BAIAP2: variants seen among roughly 807,000 people sequenced by gnomAD.
The protein encoded by BAIAP2 is BAR/IMD domain containing adaptor protein 2.
Under a neutral mutation model 63.0 loss-of-function variants are expected in BAIAP2, and 18 were observed. That is an observed-to-expected ratio of 0.29 (90% CI 0.20 to 0.42). The LOEUF (loss-of-function observed/expected upper bound fraction) is 0.42. Ranked by LOEUF, BAIAP2 falls within the 10% of genes least tolerant of loss-of-function variation. BAIAP2 has a pLI of 1.00. For missense variants in BAIAP2, 610 were observed against 734.3 expected, an observed-to-expected ratio of 0.83 and a Z score of 1.96; for synonymous variants, 386 against 307.6, an observed-to-expected ratio of 1.25 and a Z score of -2.67.
chr17:81,106,190 A>G (rs1226098109), intron 11 of BAIAP2, 44 bp downstream of exon 11: 48 of 1,541,098 alleles, frequency 3.1e-5, no homozygotes, highest in Non-Finnish European at 4.0e-5. Flanking sequence ...CCAGCTCGGG[A>G]GAGGGGCTGT....
rs994276836 is a variant in BAIAP2 at position 81,067,166 on chromosome 17, C to G, written c.217+9199C>G. On this transcript the variant is annotated intron_variant, in intron 3 of 13. Transcript: ENST00000428708. ...GCTCCGACCTGCCTGTACCTCCCTT[C>G]CCCCCCACACTATTCCTCCCTCCCT... 7.0e-4 allele frequency among the ~76,000 whole-genome samples: 107 copies of G among 152,132 alleles called. 1 individual carries two copies. The highest frequency in any genetic ancestry group is 2.5e-3 in the African/African-American group (102 of 41,426).
chr17:81,042,404 C>T (rs1473439671), intron 1 of BAIAP2, among the ~76,000 whole-genome samples: 3 of 152,180 alleles, frequency 2.0e-5, no homozygotes, highest in South Asian at 2.1e-4. Flanking sequence ...AGTCCTCCCA[C>T]CTTGGCCTCC....
intron 3 of BAIAP2, among the ~76,000 whole-genome samples, chr17:81,066,704 T>A (rs990748279): frequency 6.6e-6 from 1 of 152,224 alleles, no homozygotes; most frequent in Non-Finnish European, 1.5e-5. Context: ...TTGGCCAAAG[T>A]GGCTCGGAAG....
chr17:81,040,323 C>T (rs1212169963), intron 1 of BAIAP2, among the ~76,000 whole-genome samples: 2 of 152,262 alleles, frequency 1.3e-5, no homozygotes, highest in East Asian at 1.9e-4. Flanking sequence ...AGCCGCCCCC[C>T]ACAGCCTGCG....
rs544628133 is a variant in BAIAP2 at position 81,109,050 on chromosome 17, CT to C, written c.1535+542del. ...TCTGAAGAGCTTCCGCGCCTTCCCC[CT>C]GGTCTCGTCCGTTTTCCTCCTCAGC... On this transcript the variant is annotated intron_variant, in intron 13 of 13. Coordinates refer to ENST00000428708, the MANE Select transcript of BAIAP2 (RefSeq NM_001144888.2). 4.0e-4 allele frequency: 607 copies of C among 1,520,146 alleles called. 1 individual carries two copies. The highest frequency in any genetic ancestry group is 1.0e-3 in the East Asian group (40 of 40,164). The allele number at this position is 1,520,146 out of a possible 1,614,324, so 94.2% of individuals were successfully genotyped here.
chr17:81,055,865 C>T (rs1397382720), intron 2 of BAIAP2, among the ~76,000 whole-genome samples: 1 of 152,058 alleles, frequency 6.6e-6, no homozygotes, highest in East Asian at 1.9e-4. Context: ...CGCGCCCGGC[C>T]GTCTGCAGGG....
chr17:81,035,189 TACC>T lies in BAIAP2; in HGVS notation c.-65_-63del. 3 of 1,343,534 alleles carry T rather than the reference TACC, an allele frequency of 2.2e-6. No homozygotes were observed. Among genetic ancestry groups the T allele is most frequent in the Non-Finnish European group, 2.0e-6 (2 of 1,007,398 alleles). The allele number at this position is 1,343,534 out of a possible 1,614,324, so 83.2% of individuals were successfully genotyped here. On this transcript the variant is annotated 5_prime_UTR_variant, in exon 1 of 14. Transcript: ENST00000428708. ...GCTTTCGTCTCCGTCCTGCTGCCGT[TACC>T]GCCGCTGCTGCCGCCGCTTGCGTCC...
intron 1 of BAIAP2, among the ~76,000 whole-genome samples, chr17:81,040,944 G>A (rs958265385): frequency 4.6e-5 from 7 of 152,218 alleles, no homozygotes; most frequent in African/African-American, 1.7e-4. Flanking sequence ...TGGGGAGGTA[G>A]GGCCTGAGCC....
chr17:81,076,001 C>T (rs1290036045), intron 3 of BAIAP2, among the ~76,000 whole-genome samples: 3 of 151,170 alleles, frequency 2.0e-5, no homozygotes, highest in Non-Finnish European at 4.4e-5. Context: ...GAAGTGCCTG[C>T]ACCCGGGTGT....
At chr17:81,080,843 C>A (rs981685422) in intron 3 of BAIAP2, among the ~76,000 whole-genome samples, 4 of 151,946 alleles carry the variant, frequency 2.6e-5, no homozygotes, top group African/African-American at 9.7e-5. Context: ...ATAGTGAGAC[C>A]CCATCTCAAA....
At position 81,116,246 on chromosome 17, in the gene BAIAP2, CA is replaced by C. The variant is rs764016054; in HGVS notation, c.*409del. The C allele has an allele frequency of 3.9e-5, 63 of 1,612,844 alleles. No individual in the cohort carries two copies. The East Asian group carries it at 1.2e-3, about 32-fold the overall frequency. On this transcript the variant is annotated 3_prime_UTR_variant, in exon 14 of 14. Transcript: ENST00000428708. ...CTGCACCAGGTGTGATCTGTCCGCC[CA>C]AGGGCCAGAAGGCCGGGAGCACGGG...
intron 6 of BAIAP2, chr17:81,087,992 G>A (rs1376419290): frequency 1.3e-5 from 2 of 152,140 alleles, no homozygotes; most frequent in Non-Finnish European, 2.9e-5. Flanking sequence ...AGCTGTTTCT[G>A]TGAACAGAAC....
At chr17:81,112,107 C>T (rs538595182) in intron 13 of BAIAP2, among the ~76,000 whole-genome samples, 9 of 152,368 alleles carry the variant, frequency 5.9e-5, no homozygotes, top group South Asian at 2.1e-4. Flanking sequence ...CCTTGCCTTC[C>T]GCCTCCATCT....
chr17:81,077,995 G>A (rs943739267), intron 3 of BAIAP2, among the ~76,000 whole-genome samples: 1 of 143,992 alleles, frequency 6.9e-6, no homozygotes, highest in Non-Finnish European at 1.5e-5. Context: ...GTTCCACCTC[G>A]GAGCTGGGTG....
chr17:81,068,234 A>C (rs2051871485), intron 3 of BAIAP2, among the ~76,000 whole-genome samples: 1 of 152,214 alleles, frequency 6.6e-6, no homozygotes, highest in Non-Finnish European at 1.5e-5. Context: ...GGAGCGAGTC[A>C]GTGGCTGAGA....
chr17:81,112,823 AG>A (rs1269219070), intron 13 of BAIAP2, among the ~76,000 whole-genome samples: 2 of 152,064 alleles, frequency 1.3e-5, no homozygotes, highest in African/African-American at 4.8e-5. Context: ...GGCTGAGGCG[AG>A]AGGATCTCTT....
rs774024057 is a variant in BAIAP2 at position 81,085,743 on chromosome 17, G to A, written c.351+18G>A. On this transcript the variant is annotated intron_variant, in intron 5 of 13. Coordinates refer to ENST00000428708, the MANE Select transcript of BAIAP2 (RefSeq NM_001144888.2). ...ATCTGAGTGTAAGTGCACCCTGGCC[G>A]TGCCTGCTGGGCCCTGTGCCTGGGC... The A allele has an allele frequency of 2.6e-5, 41 of 1,604,752 alleles. No homozygotes were observed. The highest frequency in any genetic ancestry group is 3.2e-5 in the Non-Finnish European group (38 of 1,173,230).
At chr17:81,109,034 C>CT in intron 13 of BAIAP2, 1 of 1,530,698 alleles carries the variant, frequency 6.5e-7, no homozygotes. Context: ...CTCTGAAGAG[C>CT]TTCCGCGCCT....
chr17:81,073,461 C>G (rs2053069698), intron 3 of BAIAP2, among the ~76,000 whole-genome samples: 1 of 152,184 alleles, frequency 6.6e-6, no homozygotes, highest in Non-Finnish European at 1.5e-5. Context: ...TAGAAATGAT[C>G]TTTTAACTGA....
Sources: gnomAD v4.1 joint callset for allele counts (sites outside exome capture counted in the v4.1 genomes callset) on GRCh38, gnomAD v4.1.1 for gene constraint, MANE v1.5 for transcripts, NCBI Gene and HGNC (gene_info 2026-07-23, HGNC 2026-07-21) for gene names.